TSC1: variants seen among roughly 807,000 people sequenced by gnomAD.
The protein encoded by TSC1 is hamartin.
A neutral mutation model predicts 124.3 loss-of-function variants in TSC1; 20 were observed. The observed-to-expected ratio is 0.16, with a 90% CI of 0.11 to 0.23. The LOEUF is 0.23. TSC1 is among the 10% of genes least tolerant of loss of function. TSC1 has a pLI of 1.00. For synonymous variants in TSC1, 493 were observed against 539.1 expected (o/e 0.91, Z 1.19); for missense variants, 1,124 against 1,448.5 (o/e 0.78, Z 3.64).
chr9:132,917,585 G>A (rs558574561), intron 8 of TSC1, among the ~76,000 whole-genome samples: 95 of 152,120 alleles, frequency 6.2e-4, no homozygotes, highest in African/African-American at 2.1e-3. Flanking sequence ...TCCCCCGTCC[G>A]CCTCCCAAAG....
rs898388686 is a variant in TSC1, at chr9:132,926,764, T to C, written c.210+437A>G. 5 of 222,026 alleles carry C rather than the reference T, an allele frequency of 2.3e-5. No homozygotes were observed. In the Admixed American group the frequency reaches 2.6e-4, roughly 12 times the overall value. The allele number at this position is 222,026 out of a possible 1,614,324, so 13.8% of individuals were successfully genotyped here. On this transcript the variant is annotated intron_variant, in intron 4 of 22. Transcript: ENST00000298552. ...ATCTCAGGTCACTGCAACCTCCGCC[T>C]CCCAGGTTCAAGCGATTCTCCTGCC...
In TSC1 at chr9:132,892,097, T is replaced by G; in HGVS notation, c.*4138A>C. 4.3e-6 allele frequency: 1 copy of G among 233,208 alleles called. No homozygotes were observed. 14.4% of individuals were successfully genotyped at this position (233,208 alleles called of 1,614,324 possible). A position where few individuals can be genotyped will look rare whatever the true frequency, so the allele number is the denominator to read the frequency against. On this transcript the variant is annotated 3_prime_UTR_variant, in exon 23 of 23. Coordinates refer to ENST00000298552, the MANE Select transcript of TSC1 (RefSeq NM_000368.5). Reference sequence around the variant, plus strand: ...GCTTCCCTTGTAGCTACAGCTACTCTTCCCTCAGGCGAGCAGATAAGGACT... The same window carrying G: ...GCTTCCCTTGTAGCTACAGCTACTCGTCCCTCAGGCGAGCAGATAAGGACT...
At chr9:132,912,697 C>G in intron 8 of TSC1, 1 of 533,866 alleles carries the variant, frequency 1.9e-6, no homozygotes, top group Non-Finnish European at 3.4e-6. Context: ...CAAATATTTC[C>G]TCAACAAAAG....
intron 3 of TSC1, among the ~76,000 whole-genome samples, chr9:132,928,472 T>C (rs1847011546): frequency 6.6e-6 from 1 of 152,216 alleles, no homozygotes; most frequent in Non-Finnish European, 1.5e-5. Context: ...ATATATGATT[T>C]ACAGTTAAAG....
chr9:132,893,217 C>T lies in TSC1; in HGVS notation c.*3018G>A, dbSNP rs543304631. The stretch of plus-strand genomic sequence containing the variant: ...TCTCTCCTGAAAAACTCTGTGGACA[C>T]ACCTAGAGAGGTCACTGTCTGCCCA... On this transcript the variant is annotated 3_prime_UTR_variant, in exon 23 of 23. Coordinates refer to ENST00000298552, the MANE Select transcript of TSC1 (RefSeq NM_000368.5). The T allele has an allele frequency of 3.0e-5, 7 of 233,344 alleles. No individual in the cohort carries two copies. The highest frequency in any genetic ancestry group is 4.2e-5 in the Non-Finnish European group (5 of 118,066). The allele number at this position is 233,344 out of a possible 1,614,324, so 14.5% of individuals were successfully genotyped here.
Position 132,900,659 on chromosome 9 carries a change from T to C in TSC1, c.2625+56A>G. 1.9e-6 allele frequency: 3 copies of C among 1,611,330 alleles called. No homozygotes were observed. In the South Asian group the frequency reaches 3.3e-5, roughly 18 times the overall value. ...TCTCTATGCCATGCGGGAGACATAC[T>C]GTCTGGGTCTGAAACGCTTTCCCCA... On this transcript the variant is annotated intron_variant, in intron 20 of 22. Transcript: ENST00000298552.
chr9:132,927,432 T>C (rs907588991), intron 3 of TSC1, 128 bp from the exon 4 acceptor site: 6 of 831,282 alleles, frequency 7.2e-6, no homozygotes, highest in Non-Finnish European at 1.2e-5. Context: ...TGTGCAGCAT[T>C]ACAGTTCTGC....
chr9:132,941,183 T>A (rs1847718990), intron 1 of TSC1: 1 of 152,250 alleles, frequency 6.6e-6, no homozygotes, highest in Non-Finnish European at 1.5e-5. Flanking sequence ...CATTCAACCG[T>A]AAAAAGTATT....
chr9:132,896,448 C>T lies in TSC1; in HGVS notation c.3282G>A (p.Glu1094=), dbSNP rs116747861. 1.3e-3 allele frequency: 2,133 copies of T among 1,614,220 alleles called. 9 individuals are homozygous for T. The African/African-American group carries it at 0.013, about 10-fold the overall frequency. The change falls in exon 23 of 23, where the codon GAG becomes GAA. Residue 1094 remains glutamate, a synonymous_variant. Coordinates refer to ENST00000298552, the MANE Select transcript of TSC1 (RefSeq NM_000368.5). This position sits in a 1 kb window ranked among gnomAD's most constrained non-coding sequence, Gnocchi z 4.5. ...GGCTCTCGCTCTTATTACGAAATAACTCTCGAGCCTTCATACCCAGGAAGC... is the reference window on the plus strand; with the variant it reads ...GGCTCTCGCTCTTATTACGAAATAATTCTCGAGCCTTCATACCCAGGAAGC... The part of the protein sequence containing the change: ...SKSFLGMKAR[E]LFRNKSESQC...
intron 3 of TSC1, among the ~76,000 whole-genome samples, chr9:132,927,912 G>C (rs1181943301): frequency 6.6e-6 from 1 of 152,114 alleles, no homozygotes; most frequent in Non-Finnish European, 1.5e-5. Context: ...AAAAATGAAA[G>C]TGCTCCTCAC....
intron 6 of TSC1, 121 bp from the exon 7 acceptor site, chr9:132,922,094 C>A: frequency 8.5e-7 from 1 of 1,183,266 alleles, no homozygotes; most frequent in Non-Finnish European, 1.2e-6. Flanking sequence ...CACCTCACTC[C>A]AAAGACAGGA....
At chr9:132,904,276 C>G in intron 16 of TSC1, 135 bp downstream of exon 16, 6 of 982,938 alleles carry the variant, frequency 6.1e-6, no homozygotes, top group Non-Finnish European at 9.4e-6. Context: ...ATCCTTTAGC[C>G]AAGCAGATAG....
intron 8 of TSC1, among the ~76,000 whole-genome samples, chr9:132,917,382 G>A (rs1235999370): frequency 2.0e-5 from 3 of 151,966 alleles, no homozygotes. Flanking sequence ...CCAGGCTGGC[G>A]TGCAGTAGCA....
chr9:132,904,047 G>A (rs148554066), intron 16 of TSC1, among the ~76,000 whole-genome samples: 2 of 152,252 alleles, frequency 1.3e-5, no homozygotes, highest in African/African-American at 4.8e-5. Context: ...GACTCTTTGA[G>A]AGCCTGCTTT....
chr9:132,893,789 T>C lies in TSC1; in HGVS notation c.*2446A>G, dbSNP rs558966777. ...CTGCCCTTAACGCTTATTGTACTAATACCTTTGCCCAGGACTGAATTGCCT... is the reference window on the plus strand; with the variant it reads ...CTGCCCTTAACGCTTATTGTACTAACACCTTTGCCCAGGACTGAATTGCCT... On this transcript the variant is annotated 3_prime_UTR_variant, in exon 23 of 23. Coordinates refer to ENST00000298552, the MANE Select transcript of TSC1 (RefSeq NM_000368.5). The C allele has an allele frequency of 1.3e-5, 3 of 233,300 alleles. No homozygotes were observed. The highest frequency in any genetic ancestry group is 1.2e-4 in the East Asian group (2 of 16,590). 14.5% of individuals were successfully genotyped at this position (233,300 alleles called of 1,614,324 possible).
intron 6 of TSC1, 65 bp from the exon 7 acceptor site, chr9:132,922,038 T>A (rs577637534): frequency 6.2e-7 from 1 of 1,600,610 alleles, no homozygotes; most frequent in Non-Finnish European, 8.6e-7. Flanking sequence ...GCAAAACAGC[T>A]ATAAACAAGT....
intron 8 of TSC1, among the ~76,000 whole-genome samples, chr9:132,919,155 T>C (rs1260997414): frequency 2.0e-5 from 3 of 152,230 alleles, no homozygotes; most frequent in Admixed American, 1.3e-4. Context: ...TAGGTATTTG[T>C]GTATCTAGAC....
chr9:132,937,800 C>A (rs146543508), intron 1 of TSC1, among the ~76,000 whole-genome samples: 1 of 152,140 alleles, frequency 6.6e-6, no homozygotes, highest in Non-Finnish European at 1.5e-5. Context: ...CTGCGACCTT[C>A]GCCTCCCAGG....
rs1845027394 is a variant in TSC1 at position 132,896,299 on chromosome 9, G to A, written c.3431C>T (p.Thr1144Ile). 6.2e-7 allele frequency: 1 copy of A among 1,614,194 alleles called. No individual in the cohort carries two copies. The highest frequency in any genetic ancestry group is 1.1e-5 in the South Asian group (1 of 91,088). Residue 1144 changes from threonine (T) to isoleucine (I), a missense_variant, in exon 23 of 23, where the codon ACC becomes ATC. By Grantham distance (89) the Thr-to-Ile change is moderately conservative (BLOSUM62 -1). Transcript: ENST00000298552. This position sits in a 1 kb window ranked among gnomAD's most constrained non-coding sequence, Gnocchi z 4.5. ...NLDGPHPSPP[T>I]PDSVGQLHIM... The stretch of plus-strand genomic sequence containing the variant: ...ATGTAGCTGTCCAACACTGTCCGGG[G>A]TCGGGGGAGACGGGTGAGGGCCATC...
Sources: allele counts gnomAD v4.1 joint callset (sites outside exome capture counted in the v4.1 genomes callset), GRCh38; gene constraint gnomAD v4.1.1; non-coding constraint Gnocchi (gnomAD v3.1); transcripts MANE v1.5; gene names NCBI Gene and HGNC (gene_info 2026-07-23, HGNC 2026-07-21).